Variants in SP2 observed in about 807,000 individuals in gnomAD.
SP2 encodes transcription factor Sp2.
A neutral mutation model predicts 50.1 loss-of-function variants in SP2; 9 were observed. The ratio of observed to expected loss-of-function variants is 0.18; its 90% CI spans 0.11 to 0.31. SP2 has a LOEUF of 0.31. Among genes scored for constraint, SP2 ranks in the 10% least tolerant of loss-of-function variants. The probability of loss-of-function intolerance (pLI) is 1.00; values close to 1 mark genes in which losing one functional copy is unlikely to be tolerated. For synonymous variants in SP2, 313 were observed against 326.6 expected (o/e 0.96, Z 0.45); for missense variants, 581 against 806.5 (o/e 0.72, Z 3.39).
chr17:47,917,922 G>A (rs770236917), intron 3 of SP2: 3 of 241,534 alleles, frequency 1.2e-5, no homozygotes, highest in Non-Finnish European at 2.7e-5. Context: ...CTAAGTGCCA[G>A]TAATTGTGCC....
At position 47,916,561 on chromosome 17, in the gene SP2, C is replaced by A; in HGVS notation, c.490C>A (p.Gln164Lys). ...GATCCAGATCATCCCTGGCACCAAC[C>A]AAGCCATCATCACCCCCTCACCGTC... Reference protein sequence around the residue: ...NQIQIIPGTNQAIITPSPSSH... With the variant: ...NQIQIIPGTNKAIITPSPSSH... The change falls in exon 3 of 7, where the codon CAA (glutamine) becomes AAA (lysine). Residue 164 changes from glutamine (Q) to lysine (K), a missense_variant. Gln to Lys is a moderately conservative substitution (Grantham distance 53, BLOSUM62 1). Transcript: ENST00000376741. This position sits in a 1 kb window ranked among gnomAD's most constrained non-coding sequence, Gnocchi z 4.7. The A allele has an allele frequency of 6.2e-7, 1 of 1,614,162 alleles. No individual in the cohort carries two copies. Among genetic ancestry groups the A allele is most frequent in the Non-Finnish European group, 8.5e-7 (1 of 1,180,012 alleles).
intron 1 of SP2, among the ~76,000 whole-genome samples, chr17:47,903,021 G>A (rs1323090377): frequency 6.6e-6 from 1 of 152,242 alleles, no homozygotes; most frequent in East Asian, 1.9e-4. Context: ...CGCCCAAAGT[G>A]CTGGGATTAC....
At chr17:47,911,752 C>T (rs1009323009) in intron 1 of SP2, among the ~76,000 whole-genome samples, 2 of 149,128 alleles carry the variant, frequency 1.3e-5, no homozygotes, top group Non-Finnish European at 3.0e-5. Flanking sequence ...TTGCAGTGAG[C>T]AGAGATCGTG....
chr17:47,930,865 C>T (rs1467959921), downstream of SP2, among the ~76,000 whole-genome samples: 1 of 152,148 alleles, frequency 6.6e-6, no homozygotes, highest in Non-Finnish European at 1.5e-5. Context: ...GTCCAGCTGA[C>T]ACTTGGCATT....
rs573141745 is a variant in SP2, at chr17:47,905,862, G to A, written c.8-9450G>A. ...GAGCTCTAAAGGACAGGAGCTGGCC[G>A]GGCAAATGGGAGAGAGTGTGCTTCA... On this transcript the variant is annotated intron_variant, in intron 1 of 6. Transcript: ENST00000376741. 3.9e-5 allele frequency among the ~76,000 whole-genome samples: 6 copies of A among 152,302 alleles called. No homozygotes were observed. In the East Asian group the frequency reaches 7.7e-4, roughly 20 times the overall value.
chr17:47,912,123 G>C lies in SP2; in HGVS notation c.8-3189G>C, dbSNP rs1397032253. 5.9e-5 allele frequency among the ~76,000 whole-genome samples: 9 copies of C among 152,152 alleles called. No individual in the cohort carries two copies. In the South Asian group the frequency reaches 6.2e-4, roughly 11 times the overall value. ...AACCCTACAAAAAAGAAACAGATTT[G>C]TTCAGCATGACCTGTTCTTCTATAT... is the stretch of plus-strand genomic sequence containing the variant. On this transcript the variant is annotated intron_variant, in intron 1 of 6. Coordinates refer to ENST00000376741, the MANE Select transcript of SP2 (RefSeq NM_003110.6).
chr17:47,896,425 T>G, intron 1 of SP2, 132 bp downstream of exon 1: 5 of 681,868 alleles, frequency 7.3e-6, no homozygotes, highest in Non-Finnish European at 1.0e-5. Context: ...GGGCCCGGCT[T>G]CAGGAGGGGC....
chr17:47,914,742 AG>A (rs2035122944), intron 1 of SP2: 1 of 152,348 alleles, frequency 6.6e-6, no homozygotes, highest in Admixed American at 6.5e-5. Flanking sequence ...TGGTGGCTGG[AG>A]GGGGCAGTCC....
Position 47,904,882 on chromosome 17 carries a change from G to A in SP2, c.7+8589G>A, listed in dbSNP as rs114718140. Reference sequence around the variant, plus strand: ...CTTCCTGGACTCAAGCAATCCTCTCGCCTTGGCCTCCTAAGGAGCTGGGAC... The same window carrying A: ...CTTCCTGGACTCAAGCAATCCTCTCACCTTGGCCTCCTAAGGAGCTGGGAC... On this transcript the variant is annotated intron_variant, in intron 1 of 6. Coordinates refer to ENST00000376741, the MANE Select transcript of SP2 (RefSeq NM_003110.6). 2.2e-3 allele frequency among the ~76,000 whole-genome samples: 336 copies of A among 152,138 alleles called. 2 individuals carry two copies. Among genetic ancestry groups the A allele is most frequent in the African/African-American group, 7.5e-3 (311 of 41,506 alleles).
rs565337243 is a variant in SP2, at chr17:47,919,657, G to A, written c.1059+2527G>A. On this transcript the variant is annotated intron_variant, in intron 3 of 6. Coordinates refer to ENST00000376741, the MANE Select transcript of SP2 (RefSeq NM_003110.6). ...CATTCTACATTACCACAATACAATC[G>A]TCAAACCCAGGAAATTAGCAGTGAA... Among the ~76,000 whole-genome samples the A allele has an allele frequency of 5.9e-4, 90 of 151,590 alleles. 1 individual carries two copies. The Middle Eastern group carries it at 0.027, about 46-fold the overall frequency.
At chr17:47,929,415 C>T (rs2035772798), downstream of SP2, among the ~76,000 whole-genome samples, 1 of 152,208 alleles carries the variant, frequency 6.6e-6, no homozygotes, top group South Asian at 2.1e-4. Flanking sequence ...GGCAACAATG[C>T]ATTTCCCCAA....
At position 47,916,053 on chromosome 17, in the gene SP2, G is replaced by A. The variant is rs897118680; in HGVS notation, c.85-103G>A. The A allele has an allele frequency of 1.1e-5, 15 of 1,393,040 alleles. No homozygotes were observed. In the East Asian group the frequency reaches 3.2e-4, roughly 30 times the overall value. The allele number at this position is 1,393,040 out of a possible 1,614,324, so 86.3% of individuals were successfully genotyped here. A position where few individuals can be genotyped will look rare whatever the true frequency, so the allele number is the denominator to read the frequency against. On this transcript the variant is annotated intron_variant, in intron 2 of 6. Coordinates refer to ENST00000376741, the MANE Select transcript of SP2 (RefSeq NM_003110.6). The surrounding 1 kb of genome is among the most constrained non-coding windows in gnomAD (Gnocchi z 4.7). The stretch of plus-strand genomic sequence containing the variant: ...GCAACATGCCTGCCCCGGAGGTGGG[G>A]AAGACTGGCGTGGAATGCCGCCAGG...
chr17:47,925,171 C>CA, intron 5 of SP2, 78 bp downstream of exon 5: 1 of 1,501,384 alleles, frequency 6.7e-7, no homozygotes, highest in Non-Finnish European at 8.9e-7. Flanking sequence ...TCCAGAGCTG[C>CA]AAGCTGGCAC....
chr17:47,901,960 G>T (rs1271830272), intron 1 of SP2, among the ~76,000 whole-genome samples: 1 of 152,196 alleles, frequency 6.6e-6, no homozygotes, highest in Non-Finnish European at 1.5e-5. Context: ...TTACATCTTA[G>T]TGGGAGACAA....
chr17:47,916,604 C>G lies in SP2; in HGVS notation c.533C>G (p.Pro178Arg). 6.2e-7 allele frequency: 1 copy of G among 1,614,212 alleles called. No homozygotes were observed. Among genetic ancestry groups the G allele is most frequent in the Non-Finnish European group, 8.5e-7 (1 of 1,180,034 alleles). ...TPSPSSHKPVPIKPAPIQKSS... is the reference protein window; with the variant it reads ...TPSPSSHKPVRIKPAPIQKSS... Reference sequence around the variant, plus strand: ...TCACCGTCCAGTCACAAGCCTGTCCCCATCAAGCCAGCCCCCATCCAGAAG... The same window carrying G: ...TCACCGTCCAGTCACAAGCCTGTCCGCATCAAGCCAGCCCCCATCCAGAAG... Residue 178 changes from proline (P) to arginine (R), a missense_variant, in exon 3 of 7, where the codon CCC becomes CGC. Pro to Arg is a moderately radical substitution (Grantham distance 103, BLOSUM62 -2). This residue lies in a region of SP2 where 397 missense variants were observed against 491.0 expected (regional missense o/e 0.81). Transcript: ENST00000376741. The surrounding 1 kb of genome is among the most constrained non-coding windows in gnomAD (Gnocchi z 4.7).
At chr17:47,924,362 C>G (rs1041021197) in intron 4 of SP2, among the ~76,000 whole-genome samples, 1 of 152,128 alleles carries the variant, frequency 6.6e-6, no homozygotes, top group Non-Finnish European at 1.5e-5. Context: ...TCTTGAACTC[C>G]TGGGCCCAAG....
rs1024750445 is a variant in SP2 at position 47,896,672 on chromosome 17, G to A, written c.7+379G>A. Among the ~76,000 whole-genome samples the A allele has an allele frequency of 2.0e-5, 3 of 152,358 alleles. No homozygotes were observed. In the East Asian group the frequency reaches 5.8e-4, roughly 29 times the overall value. On this transcript the variant is annotated intron_variant, in intron 1 of 6. Coordinates refer to ENST00000376741, the MANE Select transcript of SP2 (RefSeq NM_003110.6). ...GAACTATGCCTGGGTCGGCTCTGAG[G>A]AGGCAGCCAACAGCCCTTGTGTTCG...
intron 3 of SP2, among the ~76,000 whole-genome samples, chr17:47,919,652 C>T (rs1017071250): frequency 6.6e-6 from 1 of 151,934 alleles, no homozygotes; most frequent in Admixed American, 6.6e-5. Context: ...TACCACAATA[C>T]AATCGTCAAA....
chr17:47,918,961 G>T (rs565532946), intron 3 of SP2, among the ~76,000 whole-genome samples: 84 of 151,752 alleles, frequency 5.5e-4, no homozygotes, highest in Non-Finnish European at 1.6e-4. Context: ...TTTACTCTCC[G>T]GCCCTTTATA....
Sources: allele counts gnomAD v4.1 joint callset (sites outside exome capture counted in the v4.1 genomes callset), GRCh38; gene constraint gnomAD v4.1.1; regional missense constraint gnomAD v4.1.1; non-coding constraint Gnocchi (gnomAD v3.1); transcripts MANE v1.5; gene names NCBI Gene and HGNC (gene_info 2026-07-23, HGNC 2026-07-21).